SULT2B1: variants seen among roughly 807,000 people sequenced by gnomAD.
The protein encoded by SULT2B1 is sulfotransferase family 2B member 1, also known as sulfotransferase 2B1.
Under a neutral mutation model 33.2 loss-of-function variants are expected in SULT2B1, and 16 were observed. The observed-to-expected ratio is 0.48, with a 90% confidence interval of 0.33 to 0.73. The LOEUF (loss-of-function observed/expected upper bound fraction) is 0.73. SULT2B1 is among the 30% of genes least tolerant of loss of function. The pLI is 0.02. For missense variants in SULT2B1, 500 were observed against 506.0 expected, an observed-to-expected ratio of 0.99 and a Z score of 0.11; for synonymous variants, 186 against 200.5, an observed-to-expected ratio of 0.93 and a Z score of 0.61.
chr19:48,594,473 C>T (rs1010890091), intron 5 of SULT2B1, among the ~76,000 whole-genome samples: 3 of 152,270 alleles, frequency 2.0e-5, no homozygotes, highest in East Asian at 1.9e-4. Flanking sequence ...GAAGAGGTGT[C>T]GGTGCTACTC....
intron 2 of SULT2B1, among the ~76,000 whole-genome samples, chr19:48,586,672 C>T (rs77663787): frequency 1.9e-3 from 283 of 152,336 alleles, no homozygotes; most frequent in African/African-American, 6.4e-3. Flanking sequence ...CTGCCCTGCA[C>T]CACTTTCCTA....
intron 6 of SULT2B1, among the ~76,000 whole-genome samples, chr19:48,598,389 T>G (rs550658307): frequency 6.6e-6 from 1 of 152,002 alleles, no homozygotes; most frequent in South Asian, 2.1e-4. Context: ...GTCAGGAGTT[T>G]GAGACCAGCC....
At chr19:48,564,954 C>T (rs1177306015) in intron 1 of SULT2B1, among the ~76,000 whole-genome samples, 1 of 151,956 alleles carries the variant, frequency 6.6e-6, no homozygotes, top group Non-Finnish European at 1.5e-5. Context: ...CCACGCCCGG[C>T]TAATTTTTGT....
chr19:48,593,680 G>C (rs59355380), intron 5 of SULT2B1, among the ~76,000 whole-genome samples: 1 of 151,242 alleles, frequency 6.6e-6, no homozygotes, highest in South Asian at 2.1e-4. Flanking sequence ...TGTGGCCCAG[G>C]ATGGAGTGCA....
intron 1 of SULT2B1, among the ~76,000 whole-genome samples, chr19:48,571,299 C>A (rs547441899): frequency 6.6e-6 from 1 of 150,892 alleles, no homozygotes; most frequent in Non-Finnish European, 1.5e-5. Context: ...CGGGTTCAAG[C>A]GATTCTCCTG....
At chr19:48,587,125 A>G in intron 2 of SULT2B1, 104 bp from the exon 3 acceptor site, 1 of 860,856 alleles carries the variant, frequency 1.2e-6, no homozygotes, top group Non-Finnish European at 1.8e-6. Flanking sequence ...AAAAAATAAT[A>G]AAAGGTGGCA....
In SULT2B1 at chr19:48,581,664, A is replaced by G. The variant is rs1601103104; in HGVS notation, c.215-5565A>G. On this transcript the variant is annotated intron_variant, in intron 2 of 6. Coordinates refer to ENST00000201586, the MANE Select transcript of SULT2B1 (RefSeq NM_177973.2). Reference sequence around the variant, plus strand: ...AGTAGAGACGGGGTTTCACCGTGTTAGCCAGGATGGTCTCGATCTCCTGAC... The same window carrying G: ...AGTAGAGACGGGGTTTCACCGTGTTGGCCAGGATGGTCTCGATCTCCTGAC... Among the ~76,000 whole-genome samples the G allele has an allele frequency of 2.7e-5, 4 of 148,386 alleles. 1 individual carries two copies.
chr19:48,597,052 C>T lies in SULT2B1; in HGVS notation c.826+133C>T, dbSNP rs967321424. On this transcript the variant is annotated intron_variant, in intron 6 of 6. Transcript: ENST00000201586. ...TGGGTGAACAGGGTCACTGTGGCCC[C>T]AGGGTTGATCACGCACGGGGCTTAG... 2.1e-5 allele frequency: 22 copies of T among 1,047,760 alleles called. No individual in the cohort carries two copies. The Middle Eastern group carries it at 1.3e-3, about 60-fold the overall frequency. 64.9% of individuals were successfully genotyped at this position (1,047,760 alleles called of 1,614,324 possible).
At chr19:48,593,047 C>T (rs977762142) in intron 5 of SULT2B1, among the ~76,000 whole-genome samples, 1 of 152,074 alleles carries the variant, frequency 6.6e-6, no homozygotes, top group Non-Finnish European at 1.5e-5. Context: ...GGAGCAAAGG[C>T]GAGTGGGAAG....
intron 2 of SULT2B1, among the ~76,000 whole-genome samples, chr19:48,578,476 G>A (rs1447956550): frequency 6.6e-6 from 1 of 152,004 alleles, no homozygotes; most frequent in Non-Finnish European, 1.5e-5. Context: ...CAGCTACTTG[G>A]GAGGCTGAGA....
rs577329902 is a variant in SULT2B1, at chr19:48,571,064, G to C, written c.72-4877G>C. Among the ~76,000 whole-genome samples the C allele has an allele frequency of 1.4e-3, 217 of 151,992 alleles. 1 individual carries two copies. The highest frequency in any genetic ancestry group is 2.7e-3 in the Non-Finnish European group (185 of 67,966). On this transcript the variant is annotated intron_variant, in intron 1 of 6. Coordinates refer to ENST00000201586, the MANE Select transcript of SULT2B1 (RefSeq NM_177973.2). The stretch of plus-strand genomic sequence containing the variant: ...AGATGAGGTCTTGCTTTGTCACCCA[G>C]GCTGGAGCACGCAGTGGTGAGATCA...
chr19:48,566,008 G>A (rs1170838430), intron 1 of SULT2B1, among the ~76,000 whole-genome samples: 1 of 151,606 alleles, frequency 6.6e-6, no homozygotes, highest in Non-Finnish European at 1.5e-5. Flanking sequence ...CGCCTCCTGG[G>A]TTCAAGTGAT....
intron 1 of SULT2B1, among the ~76,000 whole-genome samples, chr19:48,573,658 G>A (rs1315587090): frequency 2.0e-5 from 3 of 152,024 alleles, no homozygotes; most frequent in African/African-American, 7.2e-5. Context: ...GTCTTGGCTG[G>A]ACTGTGGCGT....
intron 1 of SULT2B1, among the ~76,000 whole-genome samples, chr19:48,553,329 T>C (rs1973052227): frequency 1.3e-5 from 2 of 152,128 alleles, no homozygotes; most frequent in South Asian, 4.1e-4. Context: ...TTTTTTGAAA[T>C]GGAGTTTCGC....
At chr19:48,595,493 A>G (rs12460535) in intron 5 of SULT2B1, among the ~76,000 whole-genome samples, 87,745 of 151,806 alleles carry the variant, frequency 0.58, 26,551 homozygotes, top group Middle Eastern at 0.71. Flanking sequence ...GTAGACACTC[A>G]GAAAGGAAGG....
At chr19:48,576,158 T>A in intron 2 of SULT2B1, 75 bp downstream of exon 2, 1 of 1,334,938 alleles carries the variant, frequency 7.5e-7, no homozygotes, top group Non-Finnish European at 1.0e-6. Flanking sequence ...GAAAGGCACA[T>A]AGAGAAGGAG....
At chr19:48,591,351 G>A in intron 3 of SULT2B1, 1 of 324,598 alleles carries the variant, frequency 3.1e-6, no homozygotes, top group Non-Finnish European at 5.8e-6. Context: ...CGCTCCTGTA[G>A]TCCCAGCTAC....
intron 1 of SULT2B1, among the ~76,000 whole-genome samples, chr19:48,564,294 C>T (rs1973216922): frequency 6.6e-6 from 1 of 150,870 alleles, no homozygotes; most frequent in African/African-American, 2.4e-5. Flanking sequence ...TGGCTCACGC[C>T]TGAAACCCCA....
At chr19:48,585,693 G>A in intron 2 of SULT2B1, among the ~76,000 whole-genome samples, 1 of 151,812 alleles carries the variant, frequency 6.6e-6, no homozygotes, top group Non-Finnish European at 1.5e-5. Context: ...GTGGGGGTAG[G>A]GGGGAGGGAT....
Sources: allele counts gnomAD v4.1 joint callset (sites outside exome capture counted in the v4.1 genomes callset), GRCh38; gene constraint gnomAD v4.1.1; transcripts MANE v1.5; gene names NCBI Gene and HGNC (gene_info 2026-07-23, HGNC 2026-07-21).